SVIL: variants seen among roughly 807,000 people sequenced by gnomAD.
SVIL encodes the protein supervillin.
In SVIL, 101 loss-of-function variants were observed where a neutral mutation model predicts 240.4. The observed-to-expected ratio is 0.42, with a 90% CI of 0.36 to 0.50. The LOEUF is 0.50. SVIL is among the 20% of genes least tolerant of loss of function. SVIL has a pLI of 0.01. For synonymous variants in SVIL, 999 were observed against 1,100.0 expected (o/e 0.91, Z 1.82); for missense variants, 2,512 against 2,818.7 (o/e 0.89, Z 2.46).
intron 14 of SVIL, 110 bp from the exon 15 acceptor site, chr10:29,524,137 T>C: frequency 2.6e-6 from 3 of 1,170,542 alleles, no homozygotes; most frequent in South Asian, 1.6e-5. Flanking sequence ...GCAGTTTCAC[T>C]GTTTCTCTTA....
intron 14 of SVIL, among the ~76,000 whole-genome samples, chr10:29,524,242 C>T (rs1172465570): frequency 6.6e-6 from 1 of 151,986 alleles, no homozygotes; most frequent in African/African-American, 2.4e-5. Flanking sequence ...TTTTTCTCTC[C>T]AAAATGGACT....
At chr10:29,587,945 A>G (rs998404730) in intron 1 of SVIL, among the ~76,000 whole-genome samples, 2 of 152,180 alleles carry the variant, frequency 1.3e-5, no homozygotes, top group Non-Finnish European at 2.9e-5. Context: ...TTTTAATTCT[A>G]TGAAGATCTG....
At chr10:29,653,938 A>G (rs920414737) in intron 3 of SVIL, among the ~76,000 whole-genome samples, 2 of 152,158 alleles carry the variant, frequency 1.3e-5, no homozygotes, top group Non-Finnish European at 2.9e-5. Context: ...CCAGTACCAC[A>G]CTATCTTAAT....
intron 1 of SVIL, chr10:29,576,165 A>C (rs1272103477): frequency 1.0e-6 from 1 of 973,468 alleles, no homozygotes; most frequent in Non-Finnish European, 1.2e-6. Flanking sequence ...GAACGATGCC[A>C]ATGGTAAATA....
In SVIL at chr10:29,484,798, C is replaced by A. The variant is rs377161548; in HGVS notation, c.4813G>T (p.Val1605Leu). The change falls in exon 27 of 38, where the codon GTA becomes TTA. Residue 1605 changes from valine (V) to leucine (L), a missense_variant. This residue lies in a region of SVIL where 797 missense variants were observed against 925.3 expected (regional missense o/e 0.86). Transcript: ENST00000355867. The surrounding 1 kb of genome is among the most constrained non-coding windows in gnomAD (Gnocchi z 4.7). Reference protein sequence around the residue: ...LVFDFGSEVYVWHGKEVTLAQ... With the variant: ...LVFDFGSEVYLWHGKEVTLAQ... ...AATGTGACTTCTTTCCCATGCCATA[C>A]GTAAACTTCACTACCAAAATCAAAC... 12 of 1,612,316 alleles carry A rather than the reference C, an allele frequency of 7.4e-6. No homozygotes were observed. The South Asian group carries it at 1.3e-4, about 18-fold the overall frequency.
Position 29,522,610 on chromosome 10 carries a change from G to T in SVIL, c.3189C>A (p.Ser1063=), listed in dbSNP as rs201943039. 1.9e-6 allele frequency: 3 copies of T among 1,614,150 alleles called. No homozygotes were observed. Among genetic ancestry groups the T allele is most frequent in the African/African-American group, 2.7e-5 (2 of 75,064 alleles). Residue 1063 remains serine, a synonymous_variant, in exon 16 of 38, where the codon TCC becomes TCA. Coordinates refer to ENST00000355867, the MANE Select transcript of SVIL (RefSeq NM_021738.3). ...TCCCAGCAGCTGTCCCCGTCTGCTC[G>T]GAAGTGGGCTCCCCGAACTCTGCCG... ...LRAAEFGEPT[S]EQTGTAAGKT...
At chr10:29,471,270 G>A (rs1945549041) in intron 30 of SVIL, 27 bp from the exon 31 acceptor site, 3 of 1,575,582 alleles carry the variant, frequency 1.9e-6, no homozygotes, top group East Asian at 2.3e-5. Flanking sequence ...AGGTAAATAG[G>A]TAAGGGGCGC....
chr10:29,645,995 C>T (rs1958642400), intron 3 of SVIL, among the ~76,000 whole-genome samples: 1 of 152,224 alleles, frequency 6.6e-6, no homozygotes, highest in African/African-American at 2.4e-5. Context: ...TCAGCTTACG[C>T]TTGTACCCCT....
At chr10:29,512,902 A>G (rs1388638206) in intron 16 of SVIL, 41 bp from the exon 17 acceptor site, 2 of 1,597,580 alleles carry the variant, frequency 1.3e-6, no homozygotes, top group Non-Finnish European at 1.7e-6. Flanking sequence ...TTCAGCACCA[A>G]ACTCTTCCTT....
intron 3 of SVIL, among the ~76,000 whole-genome samples, chr10:29,651,810 T>A (rs914672919): frequency 6.6e-6 from 1 of 152,146 alleles, no homozygotes; most frequent in African/African-American, 2.4e-5. Flanking sequence ...AACTCTTGAT[T>A]CTCAAAGCTG....
intron 17 of SVIL, among the ~76,000 whole-genome samples, chr10:29,511,473 A>C (rs1438420854): frequency 6.6e-6 from 1 of 151,018 alleles, no homozygotes; most frequent in Non-Finnish European, 1.5e-5. Flanking sequence ...CAGGTTTGCT[A>C]ATGAGGAATG....
chr10:29,608,132 C>T (rs761839408), intron 1 of SVIL, among the ~76,000 whole-genome samples: 5 of 152,216 alleles, frequency 3.3e-5, no homozygotes, highest in Non-Finnish European at 7.3e-5. Flanking sequence ...CTCCCACCTA[C>T]ACAACATTAC....
chr10:29,645,072 T>A (rs1285827279), intron 3 of SVIL, among the ~76,000 whole-genome samples: 4 of 152,186 alleles, frequency 2.6e-5, no homozygotes, highest in Non-Finnish European at 5.9e-5. Flanking sequence ...TTATATTTAA[T>A]ACAACATTCA....
At chr10:29,688,702 A>T (rs1230469181) in intron 1 of SVIL, among the ~76,000 whole-genome samples, 3 of 152,208 alleles carry the variant, frequency 2.0e-5, no homozygotes, top group Admixed American at 1.3e-4. Flanking sequence ...ACACGGCCCA[A>T]AAAAACATAA....
intron 1 of SVIL, among the ~76,000 whole-genome samples, chr10:29,692,618 A>T (rs116933532): frequency 3.3e-5 from 5 of 150,270 alleles, no homozygotes; most frequent in Non-Finnish European, 7.4e-5. Flanking sequence ...AACAATACAT[A>T]TAAATGCTTA....
At chr10:29,526,597 C>A (rs949242217) in intron 13 of SVIL, among the ~76,000 whole-genome samples, 2 of 152,228 alleles carry the variant, frequency 1.3e-5, no homozygotes, top group Non-Finnish European at 2.9e-5. Context: ...GCCACCGCGC[C>A]TGGCCAATGT....
intron 34 of SVIL, among the ~76,000 whole-genome samples, chr10:29,464,697 C>T (rs1944681858): frequency 6.6e-6 from 1 of 152,198 alleles, no homozygotes; most frequent in Non-Finnish European, 1.5e-5. Flanking sequence ...CCCTCTCTTA[C>T]TGGTGGCTGA....
At chr10:29,625,687 C>T (rs1157890566) in intron 1 of SVIL, among the ~76,000 whole-genome samples, 2 of 152,184 alleles carry the variant, frequency 1.3e-5, no homozygotes, top group South Asian at 2.1e-4. Context: ...TGGTCTCGAT[C>T]TCCTGATCTC....
intron 1 of SVIL, among the ~76,000 whole-genome samples, chr10:29,601,180 G>A (rs1305355746): frequency 6.6e-6 from 1 of 152,030 alleles, no homozygotes; most frequent in Non-Finnish European, 1.5e-5. Flanking sequence ...TAAGTTCCTA[G>A]AGCAAAAGCA....
Sources: gnomAD v4.1 joint callset for allele counts (sites outside exome capture counted in the v4.1 genomes callset) on GRCh38, gnomAD v4.1.1 for gene constraint, gnomAD v4.1.1 regional missense constraint, Gnocchi (gnomAD v3.1) non-coding constraint, MANE v1.5 for transcripts, NCBI Gene and HGNC (gene_info 2026-07-23, HGNC 2026-07-21) for gene names.